Variants in NOG observed in about 807,000 individuals in gnomAD.
NOG encodes symphalangism 1 (proximal).
Under a neutral mutation model 17.9 loss-of-function variants are expected in NOG, and 2 were observed. The observed-to-expected ratio is 0.11, with a 90% CI of 0.05 to 0.35. NOG has a LOEUF of 0.35. NOG is among the 10% of genes least tolerant of loss of function. NOG has a pLI of 1.00. For synonymous variants in NOG, 166 were observed against 148.7 expected (o/e 1.12, Z -0.85); for missense variants, 266 against 318.6 (o/e 0.83, Z 1.26).
chr17:56,594,627 A>G lies in NOG; in HGVS notation c.404A>G (p.Gln135Arg), dbSNP rs375219346. ...FSEGLAQGKKQRLSKKLRRKL... is the reference protein window; with the variant it reads ...FSEGLAQGKKRRLSKKLRRKL... ...GAGGGCTTGGCCCAGGGCAAGAAGC[A>G]GCGCCTAAGCAAGAAGCTGCGGAGG... The change falls in exon 1 of 1, where the codon CAG (glutamine) becomes CGG (arginine). Residue 135 changes from glutamine (Q) to arginine (R), a missense_variant. Physicochemically the swap from Gln to Arg is conservative, Grantham distance 43. Transcript: ENST00000332822. 6.2e-7 allele frequency: 1 copy of G among 1,613,712 alleles called. No homozygotes were observed. The highest frequency in any genetic ancestry group is 8.5e-7 in the Non-Finnish European group (1 of 1,179,812).
rs544678481 is a variant in NOG, at chr17:56,593,721, ACGCCGCCGC to A, written c.-490_-482del. The A allele has an allele frequency of 5.3e-5, 8 of 150,426 alleles. No homozygotes were observed. Among genetic ancestry groups the A allele is most frequent in the East Asian group, 2.3e-4 (1 of 4,380 alleles). 9.3% of individuals were successfully genotyped at this position (150,426 alleles called of 1,614,324 possible). A position where few individuals can be genotyped will look rare whatever the true frequency, so the allele number is the denominator to read the frequency against. Reference sequence around the variant, plus strand: ...GACAAACCGGTGCCAACGTGCGCGGACGCCGCCGCCGCCGCCGCCGCTGGAGTCCGCCGG... The same window carrying A: ...GACAAACCGGTGCCAACGTGCGCGGACGCCGCCGCCGCTGGAGTCCGCCGG... On this transcript the variant is annotated 5_prime_UTR_variant, in exon 1 of 1. Transcript: ENST00000332822.
rs970824034 is a variant in NOG at position 56,594,060 on chromosome 17, G to A, written c.-164G>A. The A allele has an allele frequency of 1.2e-5, 6 of 512,524 alleles. No individual in the cohort carries two copies. Among genetic ancestry groups the A allele is most frequent in the Non-Finnish European group, 2.0e-5 (6 of 303,538 alleles). 31.7% of individuals were successfully genotyped at this position (512,524 alleles called of 1,614,324 possible). The stretch of plus-strand genomic sequence containing the variant: ...TTCCGCCCCGGTGGGAGCCGGCGCT[G>A]CGCGAAGGGCTCTCCCGGCGGCTCA... On this transcript the variant is annotated 5_prime_UTR_variant, in exon 1 of 1. Coordinates refer to ENST00000332822, the MANE Select transcript of NOG (RefSeq NM_005450.6).
In NOG at chr17:56,594,404, C is replaced by T; in HGVS notation, c.181C>T (p.Leu61=). The T allele has an allele frequency of 6.2e-7, 1 of 1,613,312 alleles. No individual in the cohort carries two copies. Among genetic ancestry groups the T allele is most frequent in the Non-Finnish European group, 8.5e-7 (1 of 1,179,772 alleles). Residue 61 remains leucine (L), a synonymous_variant, in exon 1 of 1, where the codon CTG becomes TTG. Coordinates refer to ENST00000332822, the MANE Select transcript of NOG (RefSeq NM_005450.6). The part of the protein sequence containing the change: ...DPIFDPKEKD[L]NETLLRSLLG... ...TATCTTTGACCCCAAGGAAAAGGAT[C>T]TGAACGAGACGCTGCTGCGCTCGCT...
rs2145568160 is a variant in NOG, at chr17:56,595,487, T to C, written c.*565T>C. On this transcript the variant is annotated 3_prime_UTR_variant, in exon 1 of 1. Transcript: ENST00000332822. ...TGTTATTTTACAGTTATTGTAAATA[T>C]AGAGAACAAATGGAATGACTAATCA... 1 of 167,238 alleles carries C rather than the reference T, an allele frequency of 6.0e-6. No individual in the cohort carries two copies. The highest frequency in any genetic ancestry group is 1.5e-5 in the Non-Finnish European group (1 of 68,116). 10.4% of individuals were successfully genotyped at this position (167,238 alleles called of 1,614,324 possible). A position where few individuals can be genotyped will look rare whatever the true frequency, so the allele number is the denominator to read the frequency against.
In NOG at chr17:56,595,465, T is replaced by C. The variant is rs1398374200; in HGVS notation, c.*543T>C. The C allele has an allele frequency of 6.0e-6, 1 of 167,178 alleles. No homozygotes were observed. The highest frequency in any genetic ancestry group is 1.9e-4 in the East Asian group (1 of 5,208). 10.4% of individuals were successfully genotyped at this position (167,178 alleles called of 1,614,324 possible). ...TCGAAGAAGCTATAGAGTTCAATGTTATTTTACAGTTATTGTAAATATAGA... is the reference window on the plus strand; with the variant it reads ...TCGAAGAAGCTATAGAGTTCAATGTCATTTTACAGTTATTGTAAATATAGA... On this transcript the variant is annotated 3_prime_UTR_variant, in exon 1 of 1. Transcript: ENST00000332822.
At position 56,594,099 on chromosome 17, in the gene NOG, G is replaced by A. The variant is rs551265826; in HGVS notation, c.-125G>A. 10 of 753,406 alleles carry A rather than the reference G, an allele frequency of 1.3e-5. No homozygotes were observed. The East Asian group carries it at 2.6e-4, about 19-fold the overall frequency. The allele number at this position is 753,406 out of a possible 1,614,324, so 46.7% of individuals were successfully genotyped here. A position where few individuals can be genotyped will look rare whatever the true frequency, so the allele number is the denominator to read the frequency against. ...CCCGGCGGCTCATGCTGCCGGCCCT[G>A]CGCCTGCCCAGCCTCGGGTGAGCCG... is the stretch of plus-strand genomic sequence containing the variant. On this transcript the variant is annotated 5_prime_UTR_variant, in exon 1 of 1. Transcript: ENST00000332822.
Position 56,594,676 on chromosome 17 carries a change from G to C in NOG, c.453G>C (p.Ser151=), listed in dbSNP as rs1209483527. The change falls in exon 1 of 1, where the codon TCG becomes TCC. Residue 151 remains serine, a synonymous_variant. Coordinates refer to ENST00000332822, the MANE Select transcript of NOG (RefSeq NM_005450.6). ...GGAAGTTACAGATGTGGCTGTGGTC[G>C]CAGACATTCTGCCCCGTGCTGTACG... ...LRRKLQMWLW[S]QTFCPVLYAW... 1 of 1,613,758 alleles carries C rather than the reference G, an allele frequency of 6.2e-7. No individual in the cohort carries two copies. The highest frequency in any genetic ancestry group is 8.5e-7 in the Non-Finnish European group (1 of 1,179,916).
chr17:56,594,089 T>A lies in NOG; in HGVS notation c.-135T>A. On this transcript the variant is annotated 5_prime_UTR_variant, in exon 1 of 1. Transcript: ENST00000332822. ...GAAGGGCTCTCCCGGCGGCTCATGC[T>A]GCCGGCCCTGCGCCTGCCCAGCCTC... 2 of 644,560 alleles carry A rather than the reference T, an allele frequency of 3.1e-6. No individual in the cohort carries two copies. Among genetic ancestry groups the A allele is most frequent in the Non-Finnish European group, 4.8e-6 (2 of 415,350 alleles). 39.9% of individuals were successfully genotyped at this position (644,560 alleles called of 1,614,324 possible). A position where few individuals can be genotyped will look rare whatever the true frequency, so the allele number is the denominator to read the frequency against.
rs778105304 is a variant in NOG at position 56,594,424 on chromosome 17, C to T, written c.201C>T (p.Arg67=). The T allele has an allele frequency of 2.5e-6, 4 of 1,613,174 alleles. No homozygotes were observed. The highest frequency in any genetic ancestry group is 1.7e-5 in the Admixed American group (1 of 60,028). The change falls in exon 1 of 1, where the codon CGC becomes CGT. Residue 67 remains arginine (R), a synonymous_variant. Transcript: ENST00000332822. ...AGGATCTGAACGAGACGCTGCTGCG[C>T]TCGCTGCTCGGGGGCCACTACGACC... is the stretch of plus-strand genomic sequence containing the variant. ...KEKDLNETLL[R]SLLGGHYDPG...
Position 56,595,336 on chromosome 17 carries a change from AGTT to A in NOG, c.*415_*417del, listed in dbSNP as rs2052478297. The stretch of plus-strand genomic sequence containing the variant: ...TTCGCATGGCGAAGCAGGGGGGAAA[AGTT>A]ATTTTTTTCTTGAAGTACAAAGAGA... On this transcript the variant is annotated 3_prime_UTR_variant, in exon 1 of 1. Transcript: ENST00000332822. 1 of 170,376 alleles carries A rather than the reference AGTT, an allele frequency of 5.9e-6. No homozygotes were observed. Among genetic ancestry groups the A allele is most frequent in the African/African-American group, 2.4e-5 (1 of 41,586 alleles). 10.6% of individuals were successfully genotyped at this position (170,376 alleles called of 1,614,324 possible). A position where few individuals can be genotyped will look rare whatever the true frequency, so the allele number is the denominator to read the frequency against.
Position 56,594,485 on chromosome 17 carries a change from C to G in NOG, c.262C>G (p.Pro88Ala). The change falls in exon 1 of 1, where the codon CCC becomes GCC. Residue 88 changes from proline (P) to alanine (A), a missense_variant. Physicochemically the swap from Pro to Ala is conservative, Grantham distance 27 (BLOSUM62 -1). This residue lies in a region of NOG where 192 missense variants were observed against 197.6 expected (regional missense o/e 0.97). Coordinates refer to ENST00000332822, the MANE Select transcript of NOG (RefSeq NM_005450.6). ...FMATSPPEDR[P>A]GGGGGAAGGA... ...GGCCACCTCGCCCCCCGAGGACCGG[C>G]CCGGCGGGGGCGGGGGTGCAGCTGG... The G allele has an allele frequency of 1.2e-6, 2 of 1,610,786 alleles. No individual in the cohort carries two copies. The highest frequency in any genetic ancestry group is 1.1e-5 in the South Asian group (1 of 90,950).
Position 56,594,377 on chromosome 17 carries a change from C to A in NOG, c.154C>A (p.Pro52Thr). ...PLVDLIEHPD[P>T]IFDPKEKDLN... ...GGTGGACCTCATCGAACACCCAGAC[C>A]CTATCTTTGACCCCAAGGAAAAGGA... Residue 52 changes from proline (P) to threonine (T), a missense_variant, in exon 1 of 1, where the codon CCT becomes ACT. By Grantham distance (38) the Pro-to-Thr change is conservative. Transcript: ENST00000332822. 2 of 1,613,404 alleles carry A rather than the reference C, an allele frequency of 1.2e-6. No individual in the cohort carries two copies. The highest frequency in any genetic ancestry group is 1.7e-6 in the Non-Finnish European group (2 of 1,179,824).
Position 56,594,133 on chromosome 17 carries a change from G to A in NOG, c.-91G>A, listed in dbSNP as rs2145566822. Reference sequence around the variant, plus strand: ...CAGCCTCGGGTGAGCCGCCTCCGGAGAGACGGGGGAGCGCGGCGGCGCCGC... The same window carrying A: ...CAGCCTCGGGTGAGCCGCCTCCGGAAAGACGGGGGAGCGCGGCGGCGCCGC... On this transcript the variant is annotated 5_prime_UTR_variant, in exon 1 of 1. Transcript: ENST00000332822. 2.5e-6 allele frequency: 3 copies of A among 1,186,648 alleles called. No homozygotes were observed. The highest frequency in any genetic ancestry group is 2.3e-6 in the Non-Finnish European group (2 of 870,914). The allele number at this position is 1,186,648 out of a possible 1,614,324, so 73.5% of individuals were successfully genotyped here. A position where few individuals can be genotyped will look rare whatever the true frequency, so the allele number is the denominator to read the frequency against.
Position 56,595,167 on chromosome 17 carries a change from G to T in NOG, c.*245G>T. The T allele has an allele frequency of 2.5e-6, 1 of 396,876 alleles. No individual in the cohort carries two copies. The highest frequency in any genetic ancestry group is 4.6e-6 in the Non-Finnish European group (1 of 218,200). The allele number at this position is 396,876 out of a possible 1,614,324, so 24.6% of individuals were successfully genotyped here. On this transcript the variant is annotated 3_prime_UTR_variant, in exon 1 of 1. Coordinates refer to ENST00000332822, the MANE Select transcript of NOG (RefSeq NM_005450.6). The stretch of plus-strand genomic sequence containing the variant: ...CCAGTTTTAATTTACTTATTAAAAG[G>T]TCAGTATTATACGTTAAAAGTTACC...
rs1165503339 is a variant in NOG at position 56,594,030 on chromosome 17, C to T, written c.-194C>T. The T allele has an allele frequency of 2.1e-6, 1 of 479,028 alleles. No homozygotes were observed. The highest frequency in any genetic ancestry group is 2.1e-5 in the African/African-American group (1 of 48,588). The allele number at this position is 479,028 out of a possible 1,614,324, so 29.7% of individuals were successfully genotyped here. Reference sequence around the variant, plus strand: ...GAGGAGTTGCGGCCAACTTGTGTGCCTTTCTTCCGCCCCGGTGGGAGCCGG... The same window carrying T: ...GAGGAGTTGCGGCCAACTTGTGTGCTTTTCTTCCGCCCCGGTGGGAGCCGG... On this transcript the variant is annotated 5_prime_UTR_variant, in exon 1 of 1. Transcript: ENST00000332822.
At position 56,595,570 on chromosome 17, in the gene NOG, A is replaced by G. The variant is rs1282854492; in HGVS notation, c.*648A>G. 6.0e-6 allele frequency: 1 copy of G among 166,770 alleles called. No individual in the cohort carries two copies. Among genetic ancestry groups the G allele is most frequent in the Non-Finnish European group, 1.5e-5 (1 of 68,070 alleles). 10.3% of individuals were successfully genotyped at this position (166,770 alleles called of 1,614,324 possible). Reference sequence around the variant, plus strand: ...TATAATATCCCGTGTAGTAAATGAGAAAGAAGTGCAGAGCAGGATTAAAGA... The same window carrying G: ...TATAATATCCCGTGTAGTAAATGAGGAAGAAGTGCAGAGCAGGATTAAAGA... On this transcript the variant is annotated 3_prime_UTR_variant, in exon 1 of 1. Coordinates refer to ENST00000332822, the MANE Select transcript of NOG (RefSeq NM_005450.6).
chr17:56,594,843 G>C lies in NOG; in HGVS notation c.620G>C (p.Cys207Ser). ...CACCTCACGGTGCTGCGGTGGCGCTGTCAGCGGCGCGGGGGCCAGCGCTGC... is the reference window on the plus strand; with the variant it reads ...CACCTCACGGTGCTGCGGTGGCGCTCTCAGCGGCGCGGGGGCCAGCGCTGC... ...SVHLTVLRWR[C>S]QRRGGQRCGW... The change falls in exon 1 of 1, where the codon TGT becomes TCT. Residue 207 changes from cysteine to serine, a missense_variant. Around this residue, in one of 2 missense-constraint regions of NOG, gnomAD observed 74 missense variants for 121.0 expected, o/e 0.61. Coordinates refer to ENST00000332822, the MANE Select transcript of NOG (RefSeq NM_005450.6). The C allele has an allele frequency of 1.2e-6, 2 of 1,610,642 alleles. No homozygotes were observed. The highest frequency in any genetic ancestry group is 1.7e-6 in the Non-Finnish European group (2 of 1,178,530).
In NOG at chr17:56,594,165, G is replaced by A; in HGVS notation, c.-59G>A. The A allele has an allele frequency of 6.9e-7, 1 of 1,450,508 alleles. No homozygotes were observed. The highest frequency in any genetic ancestry group is 9.3e-7 in the Non-Finnish European group (1 of 1,078,542). 89.9% of individuals were successfully genotyped at this position (1,450,508 alleles called of 1,614,324 possible). On this transcript the variant is annotated 5_prime_UTR_variant, in exon 1 of 1. Coordinates refer to ENST00000332822, the MANE Select transcript of NOG (RefSeq NM_005450.6). ...GGGAGCGCGGCGGCGCCGCGGGCTC[G>A]GCGTGCTCTCCTCCGGGGACGCGGG...
chr17:56,594,547 G>A lies in NOG; in HGVS notation c.324G>A (p.Leu108=). The change falls in exon 1 of 1, where the codon CTG becomes CTA. Residue 108 remains leucine, a synonymous_variant. Transcript: ENST00000332822. ...AEDLAELDQL[L]RQRPSGAMPS... ...ACCTGGCGGAGCTGGACCAGCTGCT[G>A]CGGCAGCGGCCGTCGGGGGCCATGC... The A allele has an allele frequency of 6.3e-7, 1 of 1,594,580 alleles. No individual in the cohort carries two copies. Among genetic ancestry groups the A allele is most frequent in the South Asian group, 1.1e-5 (1 of 89,526 alleles).
Sources: gnomAD v4.1 joint callset for allele counts on GRCh38, gnomAD v4.1.1 for gene constraint, gnomAD v4.1.1 regional missense constraint, MANE v1.5 for transcripts, NCBI Gene and HGNC (gene_info 2026-07-23, HGNC 2026-07-21) for gene names.